The following MAL2 variants were observed in gnomAD, a reference collection of about 807,000 sequenced individuals.
MAL2 encodes the protein protein MAL2.
Under a neutral mutation model 18.1 loss-of-function variants are expected in MAL2, and 17 were observed. The observed-to-expected ratio is 0.94, with a 90% CI of 0.64 to 1.41. MAL2 has a LOEUF of 1.41. MAL2 is among the 40% of genes most tolerant of loss of function. The probability of loss-of-function intolerance (pLI) is 0.00; values close to 1 mark genes in which losing one functional copy is unlikely to be tolerated. For synonymous variants in MAL2, 102 were observed against 102.3 expected, an observed-to-expected ratio of 1.00 and a Z score of 0.02; for missense variants, 222 against 231.9, an observed-to-expected ratio of 0.96 and a Z score of 0.28.
intron 3 of MAL2, among the ~76,000 whole-genome samples, chr8:119,242,330 C>A (rs541521706): frequency 2.6e-5 from 4 of 152,130 alleles, no homozygotes; most frequent in African/African-American, 9.6e-5. Flanking sequence ...TGTTGTCCTT[C>A]CCTTTCTAAG....
chr8:119,234,015 G>A (rs1384997708), intron 2 of MAL2, among the ~76,000 whole-genome samples: 1 of 152,198 alleles, frequency 6.6e-6, no homozygotes, highest in Non-Finnish European at 1.5e-5. Flanking sequence ...TGACGCAGAA[G>A]ACGGATGATT....
At chr8:119,241,527 G>C (rs1040045916) in intron 3 of MAL2, among the ~76,000 whole-genome samples, 1 of 152,120 alleles carries the variant, frequency 6.6e-6, no homozygotes, top group Non-Finnish European at 1.5e-5. Context: ...TAAGGAACTT[G>C]AATTTTTAGT....
intron 2 of MAL2, 38 bp from the exon 3 acceptor site, chr8:119,240,127 T>C (rs1818015677): frequency 6.3e-7 from 1 of 1,587,292 alleles, no homozygotes; most frequent in Admixed American, 1.8e-5. Context: ...GAAAAATATT[T>C]TTTTTTAATT....
At chr8:119,211,466 C>G (rs968015796) in intron 1 of MAL2, among the ~76,000 whole-genome samples, 3 of 152,186 alleles carry the variant, frequency 2.0e-5, no homozygotes, top group African/African-American at 7.2e-5. Context: ...GTTGACTACG[C>G]TATTGACACC....
intron 2 of MAL2, among the ~76,000 whole-genome samples, chr8:119,228,764 G>A (rs1563773412): frequency 6.6e-6 from 1 of 152,144 alleles, no homozygotes; most frequent in African/African-American, 2.4e-5. Context: ...GATGCCCTAG[G>A]TAATTAATTG....
In MAL2 at chr8:119,240,289, A is replaced by C; in HGVS notation, c.428A>C (p.Asp143Ala). ...TTITGQPLLSDNQYNINVAAS... is the reference protein window; with the variant it reads ...TTITGQPLLSANQYNINVAAS... ...ATAACCGGGCAGCCACTCCTGAGTGATAACCAGTATAACATAAACGTAGCA... is the reference window on the plus strand; with the variant it reads ...ATAACCGGGCAGCCACTCCTGAGTGCTAACCAGTATAACATAAACGTAGCA... Residue 143 changes from aspartate to alanine, a missense_variant, in exon 3 of 4, where the codon GAT becomes GCT. By Grantham distance (126) the Asp-to-Ala change is moderately radical. Coordinates refer to ENST00000614891, the MANE Select transcript of MAL2 (RefSeq NM_052886.3). The C allele has an allele frequency of 6.2e-7, 1 of 1,613,688 alleles. No homozygotes were observed. Among genetic ancestry groups the C allele is most frequent in the Non-Finnish European group, 8.5e-7 (1 of 1,179,750 alleles).
At chr8:119,221,895 C>T in intron 2 of MAL2, 138 bp downstream of exon 2, 1 of 909,868 alleles carries the variant, frequency 1.1e-6, no homozygotes. Flanking sequence ...TGCTGTGGTG[C>T]TGCGGTGGTG....
At chr8:119,238,462 C>T (rs188188053) in intron 2 of MAL2, among the ~76,000 whole-genome samples, 154 of 152,140 alleles carry the variant, frequency 1.0e-3, no homozygotes, top group African/African-American at 2.2e-3. Context: ...GAGCCCGCAT[C>T]GCCAAGTCAA....
At chr8:119,220,284 T>C (rs1817442043) in intron 1 of MAL2, among the ~76,000 whole-genome samples, 1 of 152,256 alleles carries the variant, frequency 6.6e-6, no homozygotes, top group Non-Finnish European at 1.5e-5. Context: ...TTATCATGTC[T>C]ACTTCTAAAT....
At chr8:119,209,403 C>A (rs1817237123) in intron 1 of MAL2, among the ~76,000 whole-genome samples, 2 of 152,140 alleles carry the variant, frequency 1.3e-5, no homozygotes, top group Admixed American at 6.5e-5. Flanking sequence ...GTCGTGCAGC[C>A]TTTTTAGGTA....
rs772676224 is a variant in MAL2, at chr8:119,243,480, C to T, written c.523C>T (p.Arg175Ter). The T allele has an allele frequency of 3.1e-6, 5 of 1,595,814 alleles. No homozygotes were observed. Among genetic ancestry groups the T allele is most frequent in the Non-Finnish European group, 4.3e-6 (5 of 1,170,154 alleles). ...TTTGGGTCTGGCTTTACGAAGATGG[C>T]GACCGTAACACTCCTTAGAAACTGG... ...CSLGLALRRW[R>*]P is the part of the protein sequence containing the mutation. The change falls in exon 4 of 4, where the codon CGA becomes TGA. Residue 175 changes from arginine to a stop codon, truncating the protein, a stop_gained. Coordinates refer to ENST00000614891, the MANE Select transcript of MAL2 (RefSeq NM_052886.3). LOFTEE classifies it high-confidence loss of function.
chr8:119,225,321 C>G (rs1817565293), intron 2 of MAL2, among the ~76,000 whole-genome samples: 1 of 151,846 alleles, frequency 6.6e-6, no homozygotes, highest in Admixed American at 6.6e-5. Context: ...CTTCCTGTGT[C>G]CATGTGTTCT....
intron 3 of MAL2, among the ~76,000 whole-genome samples, chr8:119,241,740 G>A (rs1433143691): frequency 2.0e-5 from 3 of 152,110 alleles, no homozygotes; most frequent in Non-Finnish European, 4.4e-5. Context: ...AGGAGTCATG[G>A]TTTTAGCTTT....
Position 119,208,741 on chromosome 8 carries a change from C to T in MAL2, c.132+137C>T. ...CGTGGCTTTGTCCTGCGCTCCCTCC[C>T]GGGGTCCTCTCGGTGCCCCGCGCCG... On this transcript the variant is annotated intron_variant, in intron 1 of 3. Coordinates refer to ENST00000614891, the MANE Select transcript of MAL2 (RefSeq NM_052886.3). This position sits in a 1 kb window ranked among gnomAD's most constrained non-coding sequence, Gnocchi z 4.3. The T allele has an allele frequency of 2.5e-6, 3 of 1,201,990 alleles. No individual in the cohort carries two copies. The highest frequency in any genetic ancestry group is 3.1e-6 in the Non-Finnish European group (3 of 965,346). 74.5% of individuals were successfully genotyped at this position (1,201,990 alleles called of 1,614,324 possible). A position where few individuals can be genotyped will look rare whatever the true frequency, so the allele number is the denominator to read the frequency against.
At chr8:119,232,155 A>G (rs1274604065) in intron 2 of MAL2, among the ~76,000 whole-genome samples, 2 of 152,030 alleles carry the variant, frequency 1.3e-5, no homozygotes, top group Admixed American at 6.6e-5. Flanking sequence ...CCATCCCACA[A>G]TGTATAAATA....
At chr8:119,226,499 C>T (rs184055407) in intron 2 of MAL2, among the ~76,000 whole-genome samples, 21 of 104,424 alleles carry the variant, frequency 2.0e-4, no homozygotes, top group East Asian at 7.8e-4. Flanking sequence ...TAGTCACTTG[C>T]GGGCGGGGGG....
chr8:119,225,646 G>T (rs1341951737), intron 2 of MAL2, among the ~76,000 whole-genome samples: 1 of 152,156 alleles, frequency 6.6e-6, no homozygotes, highest in African/African-American at 2.4e-5. Context: ...GTAATGGGAT[G>T]GCTGGGTCAA....
intron 1 of MAL2, among the ~76,000 whole-genome samples, chr8:119,213,263 G>A (rs146393794): frequency 3.9e-5 from 6 of 152,308 alleles, no homozygotes; most frequent in African/African-American, 1.4e-4. Flanking sequence ...CTTTAGGGGA[G>A]GCAGGTTCAG....
intron 1 of MAL2, among the ~76,000 whole-genome samples, chr8:119,217,258 C>A (rs561834884): frequency 6.6e-6 from 1 of 152,286 alleles, no homozygotes; most frequent in South Asian, 2.1e-4. Flanking sequence ...GCAAACATAA[C>A]AAACATGTGT....
Sources: allele counts gnomAD v4.1 joint callset (sites outside exome capture counted in the v4.1 genomes callset), GRCh38; gene constraint gnomAD v4.1.1; non-coding constraint Gnocchi (gnomAD v3.1); transcripts MANE v1.5; gene names NCBI Gene and HGNC (gene_info 2026-07-23, HGNC 2026-07-21).